RHCG: variants seen among roughly 807,000 people sequenced by gnomAD.
RHCG encodes the protein ammonium transporter Rh type C.
Under a neutral mutation model 55.3 loss-of-function variants are expected in RHCG, and 39 were observed. That is an observed-to-expected ratio of 0.70 (90% CI 0.55 to 0.92). The LOEUF is 0.92. Among genes scored for constraint, RHCG ranks in the 40% least tolerant of loss-of-function variants. RHCG has a pLI of 0.00. For missense variants in RHCG, 635 were observed against 627.9 expected, an observed-to-expected ratio of 1.01 and a Z score of -0.12; for synonymous variants, 250 against 246.8, an observed-to-expected ratio of 1.01 and a Z score of -0.12.
intron 5 of RHCG, among the ~76,000 whole-genome samples, chr15:89,478,447 C>A (rs193234938): frequency 6.6e-6 from 1 of 152,298 alleles, no homozygotes; most frequent in Non-Finnish European, 1.5e-5. Context: ...TAGCGCTTTC[C>A]ATCTCTACAA....
chr15:89,491,660 G>C (rs1289600492), intron 1 of RHCG, among the ~76,000 whole-genome samples: 1 of 152,060 alleles, frequency 6.6e-6, no homozygotes, highest in Admixed American at 6.6e-5. Flanking sequence ...CCAGCTACTC[G>C]AGAGGCAGAG....
chr15:89,485,041 G>A (rs577506924), intron 2 of RHCG, among the ~76,000 whole-genome samples: 4 of 152,200 alleles, frequency 2.6e-5, no homozygotes, highest in African/African-American at 7.2e-5. Flanking sequence ...TCCCAGCCCC[G>A]GGCACCAGAA....
In RHCG at chr15:89,482,958, G is replaced by A. The variant is rs116045660; in HGVS notation, c.522+109C>T. 1,081 of 1,137,682 alleles carry A rather than the reference G, an allele frequency of 9.5e-4. 8 individuals are homozygous for A. In the African/African-American group the frequency reaches 0.015, roughly 16 times the overall value. 70.5% of individuals were successfully genotyped at this position (1,137,682 alleles called of 1,614,324 possible). On this transcript the variant is annotated intron_variant, in intron 3 of 10. Transcript: ENST00000268122. ...GAGAAAACTGAGTGACGTTCAGGAAGTTAAGTGACTCGCCAGGCTGGCATG... is the reference window on the plus strand; with the variant it reads ...GAGAAAACTGAGTGACGTTCAGGAAATTAAGTGACTCGCCAGGCTGGCATG...
intron 9 of RHCG, among the ~76,000 whole-genome samples, chr15:89,475,538 G>A (rs956806295): frequency 1.3e-5 from 2 of 152,256 alleles, no homozygotes; most frequent in East Asian, 1.9e-4. Context: ...GAGCCACTGC[G>A]CCCAGTCCAG....
At chr15:89,478,342 G>A (rs1365787778) in intron 5 of RHCG, among the ~76,000 whole-genome samples, 3 of 152,310 alleles carry the variant, frequency 2.0e-5, no homozygotes, top group African/African-American at 4.8e-5. Context: ...GCAAGTCCAC[G>A]TCAAGTGCCT....
chr15:89,477,237 C>G lies in RHCG; in HGVS notation c.1113-31G>C. 1 of 1,611,802 alleles carries G rather than the reference C, an allele frequency of 6.2e-7. No homozygotes were observed. The highest frequency in any genetic ancestry group is 1.3e-5 in the African/African-American group (1 of 74,796). On this transcript the variant is annotated intron_variant, in intron 7 of 10. Transcript: ENST00000268122. This position sits in a 1 kb window ranked among gnomAD's most constrained non-coding sequence, Gnocchi z 4.5. ...GTGGAGACAGGGGGCAGGTCAGGGC[C>G]CCATGGAGAGGCCAAGTAACAGCTT...
chr15:89,478,238 T>C (rs1027255779), intron 5 of RHCG, among the ~76,000 whole-genome samples: 1 of 152,240 alleles, frequency 6.6e-6, no homozygotes, highest in Non-Finnish European at 1.5e-5. Flanking sequence ...GTGCACTTGC[T>C]GGTGAGCCCT....
intron 1 of RHCG, among the ~76,000 whole-genome samples, chr15:89,495,987 C>G (rs1224617778): frequency 1.3e-5 from 2 of 152,188 alleles, no homozygotes; most frequent in Non-Finnish European, 2.9e-5. Context: ...GCAGGGCTGG[C>G]GCTTATTTGG....
chr15:89,477,878 C>T lies in RHCG; in HGVS notation c.934G>A (p.Val312Ile), dbSNP rs776300469. The change falls in exon 6 of 11, where the codon GTC (valine) becomes ATC (isoleucine). Residue 312 changes from valine (V) to isoleucine (I), a missense_variant. Val to Ile is a conservative substitution (Grantham distance 29). Transcript: ENST00000268122. This position sits in a 1 kb window ranked among gnomAD's most constrained non-coding sequence, Gnocchi z 4.5. ...MPYGALIIGF[V>I]CGIISTLGFV... Reference sequence around the variant, plus strand: ...CCCAGGGTGGAGATGATGCCGCAGACGAAGCCGATGATGAGGGCACCGTAA... The same window carrying T: ...CCCAGGGTGGAGATGATGCCGCAGATGAAGCCGATGATGAGGGCACCGTAA... The T allele has an allele frequency of 4.2e-5, 68 of 1,613,942 alleles. No homozygotes were observed. Among genetic ancestry groups the T allele is most frequent in the South Asian group, 1.6e-4 (15 of 91,074 alleles).
chr15:89,491,247 C>T (rs1341941615), intron 1 of RHCG, among the ~76,000 whole-genome samples: 1 of 152,110 alleles, frequency 6.6e-6, no homozygotes, highest in Non-Finnish European at 1.5e-5. Context: ...CCCTGCTCTT[C>T]TCCCTGCTCT....
chr15:89,491,023 C>G (rs1381493637), intron 1 of RHCG, among the ~76,000 whole-genome samples: 2 of 152,092 alleles, frequency 1.3e-5, no homozygotes, highest in African/African-American at 4.8e-5. Flanking sequence ...ACAGCATCAC[C>G]GCAAGTGGGG....
intron 2 of RHCG, 102 bp from the exon 3 acceptor site, chr15:89,483,319 CT>C: frequency 9.1e-7 from 1 of 1,096,268 alleles, no homozygotes; most frequent in South Asian, 2.2e-5. Flanking sequence ...GTGGCTTAAC[CT>C]TTCTGAGCTT....
In RHCG at chr15:89,483,058, C is replaced by A; in HGVS notation, c.522+9G>T. 1 of 1,560,346 alleles carries A rather than the reference C, an allele frequency of 6.4e-7. No homozygotes were observed. Among genetic ancestry groups the A allele is most frequent in the Non-Finnish European group, 8.8e-7 (1 of 1,138,518 alleles). The stretch of plus-strand genomic sequence containing the variant: ...CCACCACCTCATCCCCATTCTGAGC[C>A]CTGCTCACCTTTAGCAGGTTAAGGA... On this transcript the variant is annotated intron_variant, in intron 3 of 10. Transcript: ENST00000268122.
Position 89,496,450 on chromosome 15 carries a change from T to C in RHCG, c.95A>G (p.Tyr32Cys). The stretch of plus-strand genomic sequence containing the variant: ...CCAGTGGGCGTCGGCCTCGAAGTCG[T>C]AGCGCACGAACACCCCGAAGAGAAT... The part of the protein sequence containing the change: ...MVILFGVFVR[Y>C]DFEADAHWWS... The change falls in exon 1 of 11, where the codon TAC becomes TGC. Residue 32 changes from tyrosine (Y) to cysteine (C), a missense_variant. Tyr to Cys is a radical substitution (Grantham distance 194, BLOSUM62 -2). Coordinates refer to ENST00000268122, the MANE Select transcript of RHCG (RefSeq NM_016321.3). 5 of 1,614,024 alleles carry C rather than the reference T, an allele frequency of 3.1e-6. No individual in the cohort carries two copies. The highest frequency in any genetic ancestry group is 4.2e-6 in the Non-Finnish European group (5 of 1,179,952).
chr15:89,492,518 C>T (rs1369518438), intron 1 of RHCG, among the ~76,000 whole-genome samples: 2 of 152,164 alleles, frequency 1.3e-5, no homozygotes, highest in Non-Finnish European at 2.9e-5. Flanking sequence ...ATCAACACTG[C>T]AAAATCTCCT....
Position 89,483,159 on chromosome 15 carries a change from C to G in RHCG, c.430G>C (p.Gly144Arg), listed in dbSNP as rs1042094188. Reference protein sequence around the residue: ...SVCVAFGAVLGKVSPIQLLIM... With the variant: ...SVCVAFGAVLRKVSPIQLLIM... ...AGCAGCTGAATGGGGCTGACTTTAC[C>G]CAGAACTGCCCCAAAGGCCACGCAG... is the stretch of plus-strand genomic sequence containing the variant. The change falls in exon 3 of 11, where the codon GGT becomes CGT. Residue 144 changes from glycine (G) to arginine (R), a missense_variant. Coordinates refer to ENST00000268122, the MANE Select transcript of RHCG (RefSeq NM_016321.3). 1 of 1,602,738 alleles carries G rather than the reference C, an allele frequency of 6.2e-7. No individual in the cohort carries two copies. Among genetic ancestry groups the G allele is most frequent in the Non-Finnish European group, 8.5e-7 (1 of 1,170,734 alleles).
At chr15:89,479,798 G>A (rs992461488) in intron 4 of RHCG, 2 of 418,072 alleles carry the variant, frequency 4.8e-6, no homozygotes, top group Non-Finnish European at 8.6e-6. Context: ...TCCTCCACAT[G>A]GCACTGCTTT....
rs551425096 is a variant in RHCG at position 89,472,284 on chromosome 15, A to T, written c.*24+427T>A. Among the ~76,000 whole-genome samples the T allele has an allele frequency of 2.0e-5, 3 of 152,300 alleles. No homozygotes were observed. In the East Asian group the frequency reaches 5.8e-4, roughly 29 times the overall value. On this transcript the variant is annotated intron_variant, in intron 10 of 10. Coordinates refer to ENST00000268122, the MANE Select transcript of RHCG (RefSeq NM_016321.3). Reference sequence around the variant, plus strand: ...CATTCCACAGAGGAGGCACAGTGTTAGTTGACGGAAAGAAAGAGGGGAGGG... The same window carrying T: ...CATTCCACAGAGGAGGCACAGTGTTTGTTGACGGAAAGAAAGAGGGGAGGG...
chr15:89,491,852 ACTT>A lies in RHCG; in HGVS notation c.184+4506_184+4508del, dbSNP rs1434049157. Among the ~76,000 whole-genome samples, 5 of 152,318 alleles carry A rather than the reference ACTT, an allele frequency of 3.3e-5. No homozygotes were observed. The South Asian group carries it at 1.0e-3, about 32-fold the overall frequency. On this transcript the variant is annotated intron_variant, in intron 1 of 10. Coordinates refer to ENST00000268122, the MANE Select transcript of RHCG (RefSeq NM_016321.3). Reference sequence around the variant, plus strand: ...GTATGGACCTTTAGCAAAGGACAGAACTTCTCAGATCTACAGGTTCTTTGTCAG... The same window carrying A: ...GTATGGACCTTTAGCAAAGGACAGAACTCAGATCTACAGGTTCTTTGTCAG...
Sources: allele counts gnomAD v4.1 joint callset (sites outside exome capture counted in the v4.1 genomes callset), GRCh38; gene constraint gnomAD v4.1.1; non-coding constraint Gnocchi (gnomAD v3.1); transcripts MANE v1.5; gene names NCBI Gene and HGNC (gene_info 2026-07-23, HGNC 2026-07-21).